HEMK2: variants seen among roughly 807,000 people sequenced by gnomAD.
HEMK2 encodes HemK methyltransferase 2, ETF1 glutamine and histone H4 lysine.
At chr21:28,765,048 T>C in the HEMK2 span, among the ~76,000 whole-genome samples, 1 of 152,134 alleles carries the variant, frequency 6.6e-6, no homozygotes, top group Non-Finnish European at 1.5e-5. Context: ...ATAGAATATA[T>C]GTAATTACAT....
the HEMK2 span, among the ~76,000 whole-genome samples, chr21:28,599,308 CCATATGGCTGGGGAGG>C: frequency 6.6e-6 from 1 of 152,132 alleles, no homozygotes; most frequent in South Asian, 2.1e-4. Flanking sequence ...ATTCACAGTT[CCATATGGCTGGGGAGG>C]CCTCACAATC....
the HEMK2 span, among the ~76,000 whole-genome samples, chr21:28,638,614 GAATA>G: frequency 2.6e-5 from 4 of 152,142 alleles, no homozygotes; most frequent in African/African-American, 9.7e-5. Context: ...TTAAAAGAAT[GAATA>G]GTTAGCTCAT....
the HEMK2 span, among the ~76,000 whole-genome samples, chr21:28,699,672 T>C: frequency 6.6e-6 from 1 of 152,310 alleles, no homozygotes; most frequent in East Asian, 1.9e-4. Flanking sequence ...ATATAATCAA[T>C]AAAAGGGTGG....
At chr21:28,646,786 C>T in the HEMK2 span, among the ~76,000 whole-genome samples, 1 of 152,276 alleles carries the variant, frequency 6.6e-6, no homozygotes, top group Non-Finnish European at 1.5e-5. Context: ...GTGGCCTCTC[C>T]ATTTGGCATG....
At chr21:28,780,083 C>A in the HEMK2 span, among the ~76,000 whole-genome samples, 1 of 152,142 alleles carries the variant, frequency 6.6e-6, no homozygotes. Context: ...ATTCCCATTG[C>A]AAACACTATA....
the HEMK2 span, among the ~76,000 whole-genome samples, chr21:28,828,345 G>A: frequency 6.6e-6 from 1 of 152,096 alleles, no homozygotes; most frequent in African/African-American, 2.4e-5. Flanking sequence ...AAGGAAAGAG[G>A]GGAGTTGATT....
chr21:28,831,494 A>C, the HEMK2 span, among the ~76,000 whole-genome samples: 31 of 80,384 alleles, frequency 3.9e-4, no homozygotes, highest in African/African-American at 1.2e-3. Context: ...AAAGAAAGAA[A>C]GAAAGAAAGA....
At chr21:28,652,601 T>G in the HEMK2 span, among the ~76,000 whole-genome samples, 2 of 152,062 alleles carry the variant, frequency 1.3e-5, no homozygotes, top group African/African-American at 4.8e-5. Context: ...AATATAGAAA[T>G]AAACTAAATT....
the HEMK2 span, among the ~76,000 whole-genome samples, chr21:28,665,331 TTTC>T: frequency 1.1e-5 from 1 of 93,820 alleles, no homozygotes; most frequent in Non-Finnish European, 1.8e-5. Flanking sequence ...CTTATTTATA[TTTC>T]TTTTTTTTTT....
the HEMK2 span, among the ~76,000 whole-genome samples, chr21:28,765,254 A>G: frequency 2.4e-4 from 36 of 152,160 alleles, no homozygotes; most frequent in East Asian, 7.8e-4. Context: ...TCCTTCCCCA[A>G]TTGAGTTTCA....
the HEMK2 span, among the ~76,000 whole-genome samples, chr21:28,645,141 G>A: frequency 2.0e-5 from 3 of 152,140 alleles, no homozygotes; most frequent in African/African-American, 7.2e-5. Flanking sequence ...GATACACACA[G>A]GGCACATTTT....
chr21:28,831,565 AGG>A, the HEMK2 span, among the ~76,000 whole-genome samples: 5 of 87,560 alleles, frequency 5.7e-5, no homozygotes, highest in African/African-American at 1.3e-4. Flanking sequence ...GAAGGAAAGA[AGG>A]AAAGAAAGAA....
chr21:28,764,332 T>C, the HEMK2 span, among the ~76,000 whole-genome samples: 3 of 152,064 alleles, frequency 2.0e-5, no homozygotes, highest in Non-Finnish European at 2.9e-5. Flanking sequence ...AGAGTGAGTT[T>C]AAATAAAAAT....
chr21:28,817,681 A>ATAAATAAACC, the HEMK2 span, among the ~76,000 whole-genome samples: 22 of 152,330 alleles, frequency 1.4e-4, no homozygotes, highest in Admixed American at 1.4e-3. Context: ...ACTGCTAATA[A>ATAAATAAACC]ATGTCTGATG....
chr21:28,730,889 G>C, the HEMK2 span, among the ~76,000 whole-genome samples: 2 of 151,944 alleles, frequency 1.3e-5, no homozygotes, highest in Non-Finnish European at 2.9e-5. Context: ...GAATATTATA[G>C]GGGCCCTTCT....
chr21:28,675,465 C>T, the HEMK2 span, among the ~76,000 whole-genome samples: 2 of 152,292 alleles, frequency 1.3e-5, no homozygotes, highest in African/African-American at 4.8e-5. Flanking sequence ...GCCAACAAGA[C>T]TGTCAGCAGT....
chr21:28,832,441 C>T, the HEMK2 span, among the ~76,000 whole-genome samples: 297 of 152,116 alleles, frequency 2.0e-3, 4 homozygotes, highest in African/African-American at 6.9e-3. Flanking sequence ...TAATAAGAGC[C>T]GGAAGCAAAA....
At chr21:28,856,698 G>A in the HEMK2 span, among the ~76,000 whole-genome samples, 2 of 152,162 alleles carry the variant, frequency 1.3e-5, no homozygotes, top group South Asian at 2.1e-4. Context: ...ACAGAGCCAG[G>A]GATCCCCCAC....
the HEMK2 span, among the ~76,000 whole-genome samples, chr21:28,846,213 T>C: frequency 3.3e-5 from 5 of 152,214 alleles, no homozygotes; most frequent in African/African-American, 1.2e-4. Flanking sequence ...GGCGTCTAGG[T>C]TGATTCCATG....
Sources: gnomAD v4.1 joint callset for allele counts (sites outside exome capture counted in the v4.1 genomes callset) on GRCh38, gnomAD v4.1.1 for gene constraint, MANE v1.5 for transcripts, NCBI Gene and HGNC (gene_info 2026-07-23, HGNC 2026-07-21) for gene names.